ANKUB1: variants seen among roughly 807,000 people sequenced by gnomAD.
ANKUB1 encodes ankyrin repeat and ubiquitin domain containing 1.
Under a neutral mutation model 49.3 loss-of-function variants are expected in ANKUB1, and 42 were observed. That is an observed-to-expected ratio of 0.85 (90% confidence interval 0.67 to 1.10). The LOEUF is 1.10. Among genes scored for constraint, ANKUB1 ranks in the 50% least tolerant of loss-of-function variants. The pLI, the probability that ANKUB1 is intolerant of heterozygous loss-of-function variation, is 0.00. For synonymous variants in ANKUB1, 222 were observed against 231.0 expected (o/e 0.96, Z 0.35); for missense variants, 613 against 642.0 (o/e 0.95, Z 0.49).
rs199617636 is a variant in ANKUB1, at chr3:149,790,940, C to G, written c.91-16G>C. ...GGAAATAATCCTTAAAAATCAATAG[C>G]ATATTATGAAAACAGTACATCCTTA... On this transcript the variant is annotated splice_polypyrimidine_tract_variant and intron_variant, in intron 1 of 5. Transcript: ENST00000446160. The G allele has an allele frequency of 5.8e-6, 9 of 1,549,116 alleles. No individual in the cohort carries two copies. In the East Asian group the frequency reaches 2.2e-4, roughly 38 times the overall value.
chr3:149,761,628 G>A lies in ANKUB1; in HGVS notation c.1506-15C>T, dbSNP rs982597631. 1.9e-6 allele frequency: 3 copies of A among 1,549,774 alleles called. No homozygotes were observed. The highest frequency in any genetic ancestry group is 1.7e-4 in the Middle Eastern group (1 of 5,980). On this transcript the variant is annotated splice_polypyrimidine_tract_variant and intron_variant, in intron 5 of 5. Coordinates refer to ENST00000446160, the MANE Select transcript of ANKUB1 (RefSeq NM_001144960.3). ...CTTTAAAGGCACTGCAAGAAAACAAGATATAATTTGTAAGGAGGTCTGATC... is the reference window on the plus strand; with the variant it reads ...CTTTAAAGGCACTGCAAGAAAACAAAATATAATTTGTAAGGAGGTCTGATC...
chr3:149,783,894 C>T (rs561804363), intron 2 of ANKUB1: 2 of 152,180 alleles, frequency 1.3e-5, no homozygotes, highest in South Asian at 4.1e-4. Flanking sequence ...TATGACTCAT[C>T]TTAGAAAAGA....
At chr3:149,787,182 A>G (rs1718142893) in intron 2 of ANKUB1, among the ~76,000 whole-genome samples, 2 of 152,126 alleles carry the variant, frequency 1.3e-5, no homozygotes, top group South Asian at 2.1e-4. Flanking sequence ...CATTTTCACA[A>G]TATTGATTCT....
At chr3:149,771,943 T>C (rs1055578737) in intron 3 of ANKUB1, among the ~76,000 whole-genome samples, 2 of 151,918 alleles carry the variant, frequency 1.3e-5, no homozygotes, top group Non-Finnish European at 2.9e-5. Context: ...CTGCTTTTTC[T>C]CCTGCATTTT....
chr3:149,780,216 A>T (rs758668980), intron 3 of ANKUB1, 23 bp downstream of exon 3: 4 of 1,543,002 alleles, frequency 2.6e-6, no homozygotes, highest in Admixed American at 3.9e-5. Context: ...ATGGTAGCTG[A>T]TATCAAATAT....
intron 2 of ANKUB1, chr3:149,783,732 A>G (rs145596539): frequency 9.2e-5 from 14 of 152,350 alleles, no homozygotes; most frequent in Non-Finnish European, 1.8e-4. Flanking sequence ...AGGGGAAGTA[A>G]TATTTGTTTT....
chr3:149,768,876 C>G (rs1228780394), intron 4 of ANKUB1, among the ~76,000 whole-genome samples: 1 of 152,134 alleles, frequency 6.6e-6, no homozygotes, highest in Non-Finnish European at 1.5e-5. Flanking sequence ...TTAGTTTCCT[C>G]ATGTGTAAAA....
rs572730838 is a variant in ANKUB1 at position 149,765,048 on chromosome 3, TA to T, written c.1505+2108del. Among the ~76,000 whole-genome samples, 76 of 152,308 alleles carry T rather than the reference TA, an allele frequency of 5.0e-4. 1 individual carries two copies. In the South Asian group the frequency reaches 0.015, roughly 31 times the overall value. ...ATGCATTTTTATTCAAAGTAGCCCC[TA>T]AATTAGAAACAATTTAAATGTCCAT... On this transcript the variant is annotated intron_variant, in intron 5 of 5. Transcript: ENST00000446160.
intron 3 of ANKUB1, among the ~76,000 whole-genome samples, chr3:149,771,861 C>T (rs568337162): frequency 9.2e-5 from 14 of 152,106 alleles, no homozygotes; most frequent in African/African-American, 2.9e-4. Flanking sequence ...CCCCTGCTGG[C>T]GATATTACCA....
In ANKUB1 at chr3:149,767,630, T is replaced by C; in HGVS notation, c.1032A>G (p.Gly344=). 1 of 1,551,706 alleles carries C rather than the reference T, an allele frequency of 6.4e-7. No homozygotes were observed. The highest frequency in any genetic ancestry group is 8.7e-7 in the Non-Finnish European group (1 of 1,147,000). ...TGAAACCATCCACCATCACAGTGTCTCCAACTTTTGCCCCAAAGACCCTTG... is the reference window on the plus strand; with the variant it reads ...TGAAACCATCCACCATCACAGTGTCCCCAACTTTTGCCCCAAAGACCCTTG... The part of the protein sequence containing the change: ...CGARVFGAKV[G]DTVMVDGFTK... Residue 344 remains glycine, a synonymous_variant, in exon 5 of 6, where the codon GGA becomes GGG. Coordinates refer to ENST00000446160, the MANE Select transcript of ANKUB1 (RefSeq NM_001144960.3).
chr3:149,780,043 A>T (rs1717786439), intron 3 of ANKUB1, 196 bp downstream of exon 3: 4 of 589,814 alleles, frequency 6.8e-6, no homozygotes, highest in African/African-American at 1.9e-5. Flanking sequence ...AGGGCAACTT[A>T]CCACTACACA....
chr3:149,777,881 G>A (rs1161733245), intron 3 of ANKUB1, among the ~76,000 whole-genome samples: 1 of 152,198 alleles, frequency 6.6e-6, no homozygotes, highest in African/African-American at 2.4e-5. Context: ...GCAAATGTTT[G>A]TATGAGCTAG....
chr3:149,786,974 AGCCTTAT>A (rs1339129365), intron 2 of ANKUB1, among the ~76,000 whole-genome samples: 4 of 152,158 alleles, frequency 2.6e-5, no homozygotes, highest in Non-Finnish European at 5.9e-5. Flanking sequence ...TGGTTACTTT[AGCCTTAT>A]AGTATAGTTT....
At chr3:149,766,724 G>C (rs1328700480) in intron 5 of ANKUB1, 1 of 740,850 alleles carries the variant, frequency 1.3e-6, no homozygotes, top group Admixed American at 2.1e-5. Context: ...CTTGAGCCTA[G>C]GAATTCAAGA....
chr3:149,761,368 G>T lies in ANKUB1; in HGVS notation c.*116C>A. The T allele has an allele frequency of 2.5e-6, 3 of 1,203,060 alleles. No homozygotes were observed. The highest frequency in any genetic ancestry group is 1.5e-5 in the African/African-American group (1 of 64,920). The allele number at this position is 1,203,060 out of a possible 1,614,324, so 74.5% of individuals were successfully genotyped here. On this transcript the variant is annotated 3_prime_UTR_variant, in exon 6 of 6. Transcript: ENST00000446160. ...TAAATATCCTATTAAAAGTTATGTG[G>T]CATTATAACTGTTACTAGAGATGAT...
At position 149,766,684 on chromosome 3, in the gene ANKUB1, G is replaced by C; in HGVS notation, c.1505+473C>G. On this transcript the variant is annotated intron_variant, in intron 5 of 5. Transcript: ENST00000446160. ...ATAGTGGCATGTGCCTGTAGTCCCA[G>C]CTACTTGGAAGGCTGAGATGGGAGA... The C allele has an allele frequency of 5.0e-6, 3 of 602,578 alleles. 1 individual carries two copies. Among genetic ancestry groups the C allele is most frequent in the Non-Finnish European group, 8.8e-6 (3 of 341,402 alleles). The allele number at this position is 602,578 out of a possible 1,614,324, so 37.3% of individuals were successfully genotyped here.
chr3:149,763,030 G>A (rs943350091), intron 5 of ANKUB1, among the ~76,000 whole-genome samples: 2 of 152,192 alleles, frequency 1.3e-5, no homozygotes, highest in African/African-American at 4.8e-5. Flanking sequence ...TCTATTAGGA[G>A]TAACCCTGTA....
In ANKUB1 at chr3:149,766,422, C is replaced by T. The variant is rs574149349; in HGVS notation, c.1505+735G>A. Among the ~76,000 whole-genome samples the T allele has an allele frequency of 1.3e-3, 194 of 152,304 alleles. 1 individual carries two copies. The highest frequency in any genetic ancestry group is 2.5e-3 in the Non-Finnish European group (167 of 68,038). Reference sequence around the variant, plus strand: ...TCCCTCCCATATTTCAGTTTTCTCTCTTTCCCCTCTAATTACAATTAATGT... The same window carrying T: ...TCCCTCCCATATTTCAGTTTTCTCTTTTTCCCCTCTAATTACAATTAATGT... On this transcript the variant is annotated intron_variant, in intron 5 of 5. Transcript: ENST00000446160.
At chr3:149,778,584 A>T (rs1400895986) in intron 3 of ANKUB1, 1 of 152,198 alleles carries the variant, frequency 6.6e-6, no homozygotes, top group Non-Finnish European at 1.5e-5. Context: ...GACAAATGCC[A>T]CTGTGTGCCC....
Sources: allele counts gnomAD v4.1 joint callset (sites outside exome capture counted in the v4.1 genomes callset), GRCh38; gene constraint gnomAD v4.1.1; transcripts MANE v1.5; gene names NCBI Gene and HGNC (gene_info 2026-07-23, HGNC 2026-07-21).